The following RESF1 variants were observed in gnomAD, a reference collection of about 807,000 sequenced individuals.
RESF1 encodes the protein retroelement silencing factor 1.
RESF1 carries 65 observed loss-of-function variants against 134.7 expected under a neutral mutation model. That is an observed-to-expected ratio of 0.48 (90% CI 0.40 to 0.59). RESF1 has a LOEUF of 0.59. Ranked by LOEUF, RESF1 falls within the 20% of genes least tolerant of loss-of-function variation. RESF1 has a pLI of 0.00. For missense variants in RESF1, 2,274 were observed against 2,002.7 expected (o/e 1.14, Z -2.59); for synonymous variants, 762 against 702.2 (o/e 1.09, Z -1.35).
chr12:31,984,352 G>A lies in RESF1; in HGVS notation c.3397G>A (p.Glu1133Lys), dbSNP rs749925569. The change falls in exon 4 of 6, where the codon GAA becomes AAA. Residue 1133 changes from glutamate (E) to lysine (K), a missense_variant. Coordinates refer to ENST00000312561, the MANE Select transcript of RESF1 (RefSeq NM_018169.4). Reference protein sequence around the residue: ...DQPYVVDKLAEPQKEEPITEV... With the variant: ...DQPYVVDKLAKPQKEEPITEV... ...ACCCTATGTAGTAGACAAGTTGGCAGAACCTCAGAAAGAAGAGCCCATCAC... is the reference window on the plus strand; with the variant it reads ...ACCCTATGTAGTAGACAAGTTGGCAAAACCTCAGAAAGAAGAGCCCATCAC... 6.2e-7 allele frequency: 1 copy of A among 1,614,138 alleles called. No individual in the cohort carries two copies. Among genetic ancestry groups the A allele is most frequent in the Non-Finnish European group, 8.5e-7 (1 of 1,180,018 alleles).
At chr12:31,974,694 C>A (rs1335242797) in intron 3 of RESF1, among the ~76,000 whole-genome samples, 1 of 152,032 alleles carries the variant, frequency 6.6e-6, no homozygotes, top group Non-Finnish European at 1.5e-5. Context: ...GGGGAGGGTA[C>A]AATTCAGTTC....
chr12:31,981,753 A>T lies in RESF1; in HGVS notation c.798A>T (p.Ser266=), dbSNP rs750841365. The change falls in exon 4 of 6, where the codon TCA becomes TCT. Residue 266 remains serine (S), a synonymous_variant. Coordinates refer to ENST00000312561, the MANE Select transcript of RESF1 (RefSeq NM_018169.4). The part of the protein sequence containing the change: ...LPSRQTSAVP[S]QQYATQTDKR... ...CAAGGCAGACCTCAGCTGTACCATC[A>T]CAGCAGTATGCCACGCAAACTGACA... 4.3e-6 allele frequency: 7 copies of T among 1,613,716 alleles called. No individual in the cohort carries two copies. The highest frequency in any genetic ancestry group is 5.9e-6 in the Non-Finnish European group (7 of 1,180,006).
chr12:31,961,305 G>A (rs1592247372), intron 2 of RESF1, among the ~76,000 whole-genome samples: 1 of 152,178 alleles, frequency 6.6e-6, no homozygotes, highest in East Asian at 1.9e-4. Flanking sequence ...CACAAAGTGT[G>A]TTAGGAAGTC....
chr12:31,964,323 G>A (rs900557236), intron 2 of RESF1, among the ~76,000 whole-genome samples: 1 of 151,862 alleles, frequency 6.6e-6, no homozygotes, highest in Non-Finnish European at 1.5e-5. Flanking sequence ...AGGCCCCAGT[G>A]TGTTGAGCCC....
At chr12:31,962,983 C>T (rs908110722) in intron 2 of RESF1, among the ~76,000 whole-genome samples, 3 of 152,174 alleles carry the variant, frequency 2.0e-5, no homozygotes, top group Non-Finnish European at 2.9e-5. Context: ...CCTGAAATCC[C>T]GGCTATCCGG....
chr12:31,982,710 C>T lies in RESF1; in HGVS notation c.1755C>T (p.Leu585=), dbSNP rs114515425. ...TTCAAAATGAAAATATGCTACTTCTCGCTTTGCTTTCACAGGCACGTAAGA... is the reference window on the plus strand; with the variant it reads ...TTCAAAATGAAAATATGCTACTTCTTGCTTTGCTTTCACAGGCACGTAAGA... ...SKIQNENMLL[L]ALLSQARKTQ... Residue 585 remains leucine (L), a synonymous_variant, in exon 4 of 6, where the codon CTC becomes CTT. Coordinates refer to ENST00000312561, the MANE Select transcript of RESF1 (RefSeq NM_018169.4). The T allele has an allele frequency of 2.0e-3, 3,179 of 1,613,804 alleles. 67 individuals carry two copies. In the African/African-American group the frequency reaches 0.038, roughly 19 times the overall value.
chr12:31,963,019 A>G (rs956921875), intron 2 of RESF1, among the ~76,000 whole-genome samples: 3 of 151,962 alleles, frequency 2.0e-5, no homozygotes, highest in Non-Finnish European at 4.4e-5. Flanking sequence ...GTGAGCTGAG[A>G]TCGCGCCACT....
At position 31,985,188 on chromosome 12, in the gene RESF1, G is replaced by T; in HGVS notation, c.4233G>T (p.Leu1411Phe). 6.4e-7 allele frequency: 1 copy of T among 1,571,890 alleles called. No homozygotes were observed. The highest frequency in any genetic ancestry group is 2.2e-5 in the East Asian group (1 of 44,578). ...VGATFKLGDS[L>F]SNPNERAIVK... ...CTACATTCAAATTAGGTGACTCTTT[G>T]TCAAACCCAAACGAAAGAGCCATTG... The change falls in exon 4 of 6, where the codon TTG (leucine) becomes TTT (phenylalanine). Residue 1411 changes from leucine to phenylalanine, a missense_variant. By Grantham distance (22) the Leu-to-Phe change is conservative. Transcript: ENST00000312561.
At chr12:31,968,801 C>G (rs1339111759) in intron 2 of RESF1, among the ~76,000 whole-genome samples, 1 of 152,178 alleles carries the variant, frequency 6.6e-6, no homozygotes, top group Non-Finnish European at 1.5e-5. Flanking sequence ...TCAGCAAATA[C>G]TGAAACCTGC....
At position 31,985,095 on chromosome 12, in the gene RESF1, G is replaced by T; in HGVS notation, c.4140G>T (p.Gly1380=). The T allele has an allele frequency of 6.4e-7, 1 of 1,561,644 alleles. No individual in the cohort carries two copies. The highest frequency in any genetic ancestry group is 1.2e-5 in the South Asian group (1 of 80,618). Residue 1380 remains glycine (G), a synonymous_variant, in exon 4 of 6, where the codon GGG becomes GGT. Coordinates refer to ENST00000312561, the MANE Select transcript of RESF1 (RefSeq NM_018169.4). ...AACAAAAACGAAAGTTAGACCAAGG[G>T]AACGTATTAGATATGGAAGTAAAGA... ...SFKQKRKLDQ[G]NVLDMEVKKK...
In RESF1 at chr12:31,971,178, T is replaced by C. The variant is rs570751893; in HGVS notation, c.-79+822T>C. 7.5e-4 allele frequency among the ~76,000 whole-genome samples: 115 copies of C among 152,362 alleles called. 3 individuals are homozygous for C. The South Asian group carries it at 0.023, about 31-fold the overall frequency. ...TTTTTTTGAGACGGAGTTTCACTCT[T>C]GTTGCCCAGGCTGGAGTGCAGTGGC... On this transcript the variant is annotated intron_variant, in intron 3 of 5. Coordinates refer to ENST00000312561, the MANE Select transcript of RESF1 (RefSeq NM_018169.4).
At chr12:31,986,516 A>C (rs932692884) in intron 4 of RESF1, among the ~76,000 whole-genome samples, 1 of 152,240 alleles carries the variant, frequency 6.6e-6, no homozygotes, top group African/African-American at 2.4e-5. Context: ...TACTCATAAG[A>C]TAGAAGAACC....
chr12:31,979,889 C>T (rs1357881657), intron 3 of RESF1, among the ~76,000 whole-genome samples: 1 of 151,428 alleles, frequency 6.6e-6, no homozygotes, highest in Non-Finnish European at 1.5e-5. Flanking sequence ...CTCCAGCTCC[C>T]CCCACCACTT....
chr12:31,959,566 G>A (rs1277847515), intron 1 of RESF1, 75 bp downstream of exon 1: 1 of 152,348 alleles, frequency 6.6e-6, no homozygotes, highest in Non-Finnish European at 1.5e-5. Flanking sequence ...GGAGCCGGGA[G>A]CCAGAGGCAC....
rs201816672 is a variant in RESF1, at chr12:31,984,745, C to A, written c.3790C>A (p.His1264Asn). The A allele has an allele frequency of 2.2e-5, 36 of 1,611,526 alleles. 1 individual carries two copies. In the East Asian group the frequency reaches 7.1e-4, roughly 32 times the overall value. Residue 1264 changes from histidine (H) to asparagine (N), a missense_variant, in exon 4 of 6, where the codon CAT (histidine) becomes AAT (asparagine). Physicochemically the swap from His to Asn is moderately conservative, Grantham distance 68. Coordinates refer to ENST00000312561, the MANE Select transcript of RESF1 (RefSeq NM_018169.4). ...TAGAAAAGATACACCCAAAACAAAA[C>A]ATAAAAGCTTACCAAGGACAGAACA... ...DSRKDTPKTK[H>N]KSLPRTEQEL...
Position 31,981,020 on chromosome 12 carries a change from C to A in RESF1, c.65C>A (p.Pro22His), listed in dbSNP as rs1460224782. The change falls in exon 4 of 6, where the codon CCT becomes CAT. Residue 22 changes from proline to histidine, a missense_variant. Physicochemically the swap from Pro to His is moderately conservative, Grantham distance 77 (BLOSUM62 -2). Coordinates refer to ENST00000312561, the MANE Select transcript of RESF1 (RefSeq NM_018169.4). The stretch of plus-strand genomic sequence containing the variant: ...CCACTGTATCCTAAAAGCCAGCCAC[C>A]TTTTTTGCACCAGTCTTTAATAAAC... ...LPPLYPKSQP[P>H]FLHQSLINQI... The A allele has an allele frequency of 6.2e-7, 1 of 1,613,864 alleles. No homozygotes were observed. The highest frequency in any genetic ancestry group is 8.5e-7 in the Non-Finnish European group (1 of 1,179,924).
chr12:31,963,543 A>G (rs1225523748), intron 2 of RESF1, among the ~76,000 whole-genome samples: 1 of 152,188 alleles, frequency 6.6e-6, no homozygotes, highest in Non-Finnish European at 1.5e-5. Flanking sequence ...TGTTCAGAGC[A>G]TGCCTTTTGT....
intron 3 of RESF1, among the ~76,000 whole-genome samples, chr12:31,972,369 G>A (rs560810388): frequency 1.7e-4 from 26 of 152,164 alleles, no homozygotes; most frequent in Middle Eastern, 6.8e-3. Flanking sequence ...CACTTTGGGA[G>A]GCCGAGGTGG....
In RESF1 at chr12:31,983,934, A is replaced by G; in HGVS notation, c.2979A>G (p.Leu993=). 6.2e-7 allele frequency: 1 copy of G among 1,613,882 alleles called. No individual in the cohort carries two copies. Among genetic ancestry groups the G allele is most frequent in the Non-Finnish European group, 8.5e-7 (1 of 1,179,958 alleles). Residue 993 remains leucine (L), a synonymous_variant, in exon 4 of 6, where the codon CTA becomes CTG. Coordinates refer to ENST00000312561, the MANE Select transcript of RESF1 (RefSeq NM_018169.4). ...FNNLETNRVI[L]EKSSLEHATE... ...ATCTTGAAACAAACAGAGTTATTCTAGAGAAAAGTAGTTTGGAGCATGCCA... is the reference window on the plus strand; with the variant it reads ...ATCTTGAAACAAACAGAGTTATTCTGGAGAAAAGTAGTTTGGAGCATGCCA...
Sources: gnomAD v4.1 joint callset for allele counts (sites outside exome capture counted in the v4.1 genomes callset) on GRCh38, gnomAD v4.1.1 for gene constraint, MANE v1.5 for transcripts, NCBI Gene and HGNC (gene_info 2026-07-23, HGNC 2026-07-21) for gene names.